The following C1orf21 variants were observed in gnomAD, a reference collection of about 807,000 sequenced individuals.
C1orf21 encodes the protein uncharacterized protein C1orf21.
In C1orf21, 3 loss-of-function variants were observed where a neutral mutation model predicts 18.7. That is an observed-to-expected ratio of 0.16 (90% CI 0.07 to 0.42). The LOEUF (loss-of-function observed/expected upper bound fraction) is 0.42, where lower values mean the gene tolerates loss of function less well. C1orf21 is among the 10% of genes least tolerant of loss of function. C1orf21 has a pLI of 0.99. For synonymous variants in C1orf21, 41 were observed against 46.4 expected, an observed-to-expected ratio of 0.88 and a Z score of 0.47; for missense variants, 104 against 143.6, an observed-to-expected ratio of 0.72 and a Z score of 1.41.
intron 1 of C1orf21, among the ~76,000 whole-genome samples, chr1:184,441,388 C>T (rs906956541): frequency 1.3e-5 from 2 of 152,196 alleles, no homozygotes; most frequent in African/African-American, 2.4e-5. Flanking sequence ...GTCCAGAAAT[C>T]GGGTATCAGA....
intron 1 of C1orf21, among the ~76,000 whole-genome samples, chr1:184,474,958 A>G (rs1383308665): frequency 2.0e-5 from 3 of 152,202 alleles, no homozygotes; most frequent in African/African-American, 7.2e-5. Flanking sequence ...TGGGAATCCA[A>G]AACAGCAGCA....
At chr1:184,461,084 C>G (rs1657301135) in intron 1 of C1orf21, among the ~76,000 whole-genome samples, 1 of 152,124 alleles carries the variant, frequency 6.6e-6, no homozygotes, top group Admixed American at 6.5e-5. Flanking sequence ...CAGGAACACC[C>G]CCTGAGTCTT....
intron 3 of C1orf21, among the ~76,000 whole-genome samples, chr1:184,555,100 C>T (rs1038414377): frequency 1.3e-5 from 2 of 152,206 alleles, no homozygotes; most frequent in African/African-American, 4.8e-5. Flanking sequence ...AGTGGCAGCT[C>T]TGTCAGGGCA....
intron 5 of C1orf21, among the ~76,000 whole-genome samples, chr1:184,610,005 C>T (rs1310591963): frequency 6.6e-6 from 1 of 152,192 alleles, no homozygotes; most frequent in East Asian, 1.9e-4. Context: ...GAAATTATCC[C>T]TGCTGTTTGA....
rs148612527 is a variant in C1orf21, at chr1:184,477,524, C to T, written c.15C>T (p.Ser5=). Residue 5 remains serine, a synonymous_variant, in exon 2 of 6, where the codon TCC becomes TCT. Transcript: ENST00000235307. MGCA[S]AKHVATVQNE... ...CGAATGAGACTATGGGCTGTGCCTC[C>T]GCCAAGCATGTTGCCACTGTTCAAA... 368 of 1,613,930 alleles carry T rather than the reference C, an allele frequency of 2.3e-4. No individual in the cohort carries two copies. Among genetic ancestry groups the T allele is most frequent in the Middle Eastern group, 1.7e-4 (1 of 6,058 alleles).
At chr1:184,456,741 T>C (rs144418961) in intron 1 of C1orf21, among the ~76,000 whole-genome samples, 2 of 152,236 alleles carry the variant, frequency 1.3e-5, no homozygotes, top group Admixed American at 1.3e-4. Context: ...AGGCACACTT[T>C]GTAACTTTAT....
chr1:184,460,076 A>C (rs1657278124), intron 1 of C1orf21, among the ~76,000 whole-genome samples: 1 of 152,218 alleles, frequency 6.6e-6, no homozygotes, highest in Admixed American at 6.5e-5. Context: ...TAGCAGAGCC[A>C]ACAAGCACCC....
intron 3 of C1orf21, among the ~76,000 whole-genome samples, chr1:184,538,956 T>G (rs1658602215): frequency 6.6e-6 from 1 of 152,200 alleles, no homozygotes; most frequent in Non-Finnish European, 1.5e-5. Flanking sequence ...AAGAAATGTT[T>G]ACTTTTTTCT....
intron 4 of C1orf21, among the ~76,000 whole-genome samples, chr1:184,593,271 TTGTG>T (rs55802126): frequency 3.1e-4 from 47 of 149,782 alleles, no homozygotes; most frequent in Middle Eastern, 6.9e-3. Flanking sequence ...AGCAGCATGC[TTGTG>T]TGTGTGTGTG....
In C1orf21 at chr1:184,509,770, A is replaced by G. The variant is rs145515716; in HGVS notation, c.189+2088A>G. Among the ~76,000 whole-genome samples the G allele has an allele frequency of 5.1e-4, 78 of 152,306 alleles. 1 individual carries two copies. The East Asian group carries it at 0.015, about 29-fold the overall frequency. On this transcript the variant is annotated intron_variant, in intron 3 of 5. Coordinates refer to ENST00000235307, the MANE Select transcript of C1orf21 (RefSeq NM_030806.4). ...TACTTATTTTACGAATGATACTAAG[A>G]TGTAGGTTACAGTGTTTTTTAAAAG...
intron 2 of C1orf21, among the ~76,000 whole-genome samples, chr1:184,483,419 C>CTTTT (rs1392424978): frequency 6.6e-6 from 1 of 152,240 alleles, no homozygotes; most frequent in Non-Finnish European, 1.5e-5. Context: ...ATACGTCAGG[C>CTTTT]TTGAGATCAT....
chr1:184,599,042 A>G (rs1236577383), intron 5 of C1orf21, among the ~76,000 whole-genome samples: 2 of 152,196 alleles, frequency 1.3e-5, no homozygotes, highest in Non-Finnish European at 2.9e-5. Context: ...AGTGTCTCCA[A>G]GTTGCTTCTC....
chr1:184,628,669 G>A lies in C1orf21; in HGVS notation c.*9113G>A, dbSNP rs1372286114. 1 of 152,496 alleles carries A rather than the reference G, an allele frequency of 6.6e-6. No individual in the cohort carries two copies. Among genetic ancestry groups the A allele is most frequent in the Non-Finnish European group, 1.5e-5 (1 of 68,016 alleles). 9.4% of individuals were successfully genotyped at this position (152,496 alleles called of 1,614,324 possible). A position where few individuals can be genotyped will look rare whatever the true frequency, so the allele number is the denominator to read the frequency against. ...TGTCCCTAGACAGTAGTGGCTACAG[G>A]TGCTAAGCAAAAGTCAGGTACACTG... On this transcript the variant is annotated 3_prime_UTR_variant, in exon 6 of 6. Transcript: ENST00000235307.
At chr1:184,572,857 C>CA (rs1659132033) in intron 3 of C1orf21, among the ~76,000 whole-genome samples, 1 of 151,528 alleles carries the variant, frequency 6.6e-6, no homozygotes, top group Non-Finnish European at 1.5e-5. Flanking sequence ...GAGGCTGAGG[C>CA]AGGAGACTCG....
At chr1:184,557,638 T>C (rs1658897649) in intron 3 of C1orf21, among the ~76,000 whole-genome samples, 1 of 152,230 alleles carries the variant, frequency 6.6e-6, no homozygotes, top group Non-Finnish European at 1.5e-5. Flanking sequence ...ATTTTCTTTA[T>C]CCACTTGTTG....
In C1orf21 at chr1:184,513,500, C is replaced by T. The variant is rs181199092; in HGVS notation, c.189+5818C>T. Among the ~76,000 whole-genome samples the T allele has an allele frequency of 3.7e-4, 56 of 152,338 alleles. No homozygotes were observed. The East Asian group carries it at 9.4e-3, about 26-fold the overall frequency. ...TTGATAAGCGTATGAAAATACGTTC[C>T]GTATCACTAGAACAGTGGATACCCT... On this transcript the variant is annotated intron_variant, in intron 3 of 5. Transcript: ENST00000235307.
intron 1 of C1orf21, among the ~76,000 whole-genome samples, chr1:184,407,956 A>T (rs569984644): frequency 1.3e-5 from 2 of 152,234 alleles, no homozygotes; most frequent in Non-Finnish European, 2.9e-5. Flanking sequence ...ACTTCATTGC[A>T]GATGGGCTAA....
intron 2 of C1orf21, among the ~76,000 whole-genome samples, chr1:184,502,691 A>G (rs1028234818): frequency 2.6e-5 from 4 of 152,174 alleles, no homozygotes; most frequent in African/African-American, 9.7e-5. Flanking sequence ...GTAGAGATAC[A>G]GTGGTCAGAC....
intron 1 of C1orf21, among the ~76,000 whole-genome samples, chr1:184,426,330 T>C (rs956906024): frequency 1.3e-5 from 2 of 152,168 alleles, no homozygotes; most frequent in African/African-American, 4.8e-5. Context: ...TTCTACCTTC[T>C]CCCTCTAATT....
Sources: gnomAD v4.1 joint callset for allele counts (sites outside exome capture counted in the v4.1 genomes callset) on GRCh38, gnomAD v4.1.1 for gene constraint, MANE v1.5 for transcripts, NCBI Gene and HGNC (gene_info 2026-07-23, HGNC 2026-07-21) for gene names.